The following CELF2 variants were observed in gnomAD, a reference collection of about 807,000 sequenced individuals.
CELF2 encodes CUGBP Elav-like family member 2, also known as CUG triplet repeat RNA-binding protein 2.
Under a neutral mutation model 62.6 loss-of-function variants are expected in CELF2, and 8 were observed. The ratio of observed to expected loss-of-function variants is 0.13; its 90% confidence interval spans 0.07 to 0.23. CELF2 has a LOEUF of 0.23. Ranked by LOEUF, CELF2 falls within the 10% of genes least tolerant of loss-of-function variation. CELF2 has a pLI of 1.00. For synonymous variants in CELF2, 258 were observed against 250.0 expected, an observed-to-expected ratio of 1.03 and a Z score of -0.30; for missense variants, 333 against 671.0, an observed-to-expected ratio of 0.50 and a Z score of 5.56.
intron 2 of CELF2, among the ~76,000 whole-genome samples, chr10:10,958,895 G>A (rs1416417085): frequency 6.6e-6 from 1 of 152,046 alleles, no homozygotes; most frequent in Admixed American, 6.6e-5. Context: ...ACATCACAAG[G>A]TATGTATGTA....
the CELF2 span, among the ~76,000 whole-genome samples, chr10:10,647,444 T>G: frequency 6.6e-6 from 1 of 152,204 alleles, no homozygotes; most frequent in Non-Finnish European, 1.5e-5. Flanking sequence ...AATGCAAACA[T>G]CAATGCGGAT....
chr10:11,312,403 A>C (rs904866160), intron 9 of CELF2, among the ~76,000 whole-genome samples: 3 of 152,244 alleles, frequency 2.0e-5, no homozygotes, highest in Non-Finnish European at 4.4e-5. Context: ...TGCTGAATAA[A>C]AACTGAAAAC....
the CELF2 span, among the ~76,000 whole-genome samples, chr10:10,634,666 C>CTTTT: frequency 7.1e-6 from 1 of 140,986 alleles, no homozygotes; most frequent in African/African-American, 2.6e-5. Flanking sequence ...CTTTTCTTTT[C>CTTTT]TTTTTTTTTT....
the CELF2 span, among the ~76,000 whole-genome samples, chr10:10,682,232 C>T: frequency 6.6e-6 from 1 of 152,166 alleles, no homozygotes; most frequent in Admixed American, 6.5e-5. Flanking sequence ...TGACGGGGAA[C>T]AACAAGCCTT....
chr10:10,704,297 C>T, the CELF2 span, among the ~76,000 whole-genome samples: 2 of 145,116 alleles, frequency 1.4e-5, no homozygotes, highest in Non-Finnish European at 3.1e-5. Flanking sequence ...TGTGATTTAC[C>T]TTCCTTGATT....
chr10:11,128,526 A>T (rs1384247610), intron 1 of CELF2, among the ~76,000 whole-genome samples: 1 of 152,136 alleles, frequency 6.6e-6, no homozygotes, highest in Non-Finnish European at 1.5e-5. Flanking sequence ...ATGTTCTTCC[A>T]TTTGTTTGTG....
the CELF2 span, among the ~76,000 whole-genome samples, chr10:10,620,630 T>C: frequency 4.0e-5 from 6 of 151,528 alleles, no homozygotes; most frequent in Non-Finnish European, 5.9e-5. Context: ...AGGCAGGGCG[T>C]GGTGGCTCAG....
intron 1 of CELF2, among the ~76,000 whole-genome samples, chr10:10,829,428 A>G (rs1482608312): frequency 2.0e-5 from 3 of 152,188 alleles, no homozygotes; most frequent in South Asian, 4.1e-4. Flanking sequence ...ATATCACCCC[A>G]TATCTGAGAC....
At chr10:10,638,196 A>C in the CELF2 span, among the ~76,000 whole-genome samples, 1 of 152,162 alleles carries the variant, frequency 6.6e-6, no homozygotes, top group African/African-American at 2.4e-5. Flanking sequence ...ATCCTTGACA[A>C]TTCTTACTAA....
intron 4 of CELF2, among the ~76,000 whole-genome samples, chr10:11,252,576 C>T (rs931075596): frequency 2.0e-5 from 3 of 152,162 alleles, no homozygotes; most frequent in African/African-American, 7.2e-5. Context: ...TGGGGTGAGC[C>T]CCGAAACGTT....
chr10:10,954,604 C>G (rs1008499788), intron 2 of CELF2, among the ~76,000 whole-genome samples: 1 of 152,188 alleles, frequency 6.6e-6, no homozygotes. Context: ...AGCAATTCCA[C>G]TTCTAGGAAT....
At chr10:10,557,226 G>C in the CELF2 span, among the ~76,000 whole-genome samples, 1 of 140,726 alleles carries the variant, frequency 7.1e-6, no homozygotes, top group Non-Finnish European at 1.5e-5. Context: ...TGTAAGGAAG[G>C]GATCCAGTTT....
At chr10:10,694,149 A>C in the CELF2 span, among the ~76,000 whole-genome samples, 1 of 151,318 alleles carries the variant, frequency 6.6e-6, no homozygotes, top group Non-Finnish European at 1.5e-5. Context: ...GTGGGCATTT[A>C]GTGCTATAAA....
chr10:10,872,164 G>T (rs2060790705), intron 1 of CELF2, among the ~76,000 whole-genome samples: 1 of 152,046 alleles, frequency 6.6e-6, no homozygotes, highest in Non-Finnish European at 1.5e-5. Flanking sequence ...ACTATGGTTG[G>T]AATCTTTTTG....
chr10:10,527,907 G>T, the CELF2 span, among the ~76,000 whole-genome samples: 1 of 152,198 alleles, frequency 6.6e-6, no homozygotes. Flanking sequence ...GAAACTAGCA[G>T]ATTCATTGAC....
chr10:10,774,142 G>A, the CELF2 span, among the ~76,000 whole-genome samples: 1 of 152,276 alleles, frequency 6.6e-6, no homozygotes, highest in African/African-American at 2.4e-5. Flanking sequence ...CTTTCTATCA[G>A]CAGAGAAATA....
At chr10:10,730,589 A>G in the CELF2 span, among the ~76,000 whole-genome samples, 1 of 152,268 alleles carries the variant, frequency 6.6e-6, no homozygotes, top group Admixed American at 6.5e-5. Context: ...AACATTGCAC[A>G]GATGGATAGA....
intron 1 of CELF2, among the ~76,000 whole-genome samples, chr10:10,902,248 G>A (rs2062988331): frequency 6.6e-6 from 1 of 152,186 alleles, no homozygotes; most frequent in Admixed American, 6.5e-5. Context: ...GTTTACTCAA[G>A]AGCAAGGAAA....
At chr10:11,188,936 T>C (rs2075665058) in intron 2 of CELF2, among the ~76,000 whole-genome samples, 1 of 152,234 alleles carries the variant, frequency 6.6e-6, no homozygotes, top group Non-Finnish European at 1.5e-5. Flanking sequence ...ATCTCAGACA[T>C]TGTAGTTTTT....
Sources: gnomAD v4.1 joint callset for allele counts (sites outside exome capture counted in the v4.1 genomes callset) on GRCh38, gnomAD v4.1.1 for gene constraint, MANE v1.5 for transcripts, NCBI Gene and HGNC (gene_info 2026-07-23, HGNC 2026-07-21) for gene names.